KATNAL1: variants seen among roughly 807,000 people sequenced by gnomAD.
KATNAL1 encodes katanin catalytic subunit A1 like 1.
In KATNAL1, 32 loss-of-function variants were observed where a neutral mutation model predicts 55.2. The observed-to-expected ratio is 0.58, with a 90% CI of 0.44 to 0.78. The LOEUF (loss-of-function observed/expected upper bound fraction) is 0.78. KATNAL1 is among the 30% of genes least tolerant of loss of function. The pLI, the probability that KATNAL1 is intolerant of heterozygous loss-of-function variation, is 0.00. For synonymous variants in KATNAL1, 193 were observed against 193.6 expected, an observed-to-expected ratio of 1.00 and a Z score of 0.02; for missense variants, 466 against 600.9, an observed-to-expected ratio of 0.78 and a Z score of 2.35.
rs114383544 is a variant in KATNAL1, at chr13:30,271,232, T to C, written c.323+8831A>G. ...AATTTTCATACTGATCCCCAACTTA[T>C]AGAGGAGGAAAATGAGGGACAGGTT... On this transcript the variant is annotated intron_variant, in intron 3 of 10. Transcript: ENST00000380615. Among the ~76,000 whole-genome samples, 471 of 152,296 alleles carry C rather than the reference T, an allele frequency of 3.1e-3. 2 individuals carry two copies. Among genetic ancestry groups the C allele is most frequent in the African/African-American group, 0.011 (445 of 41,542 alleles).
intron 1 of KATNAL1, among the ~76,000 whole-genome samples, chr13:30,303,217 T>C (rs1231601270): frequency 6.6e-6 from 1 of 152,170 alleles, no homozygotes; most frequent in Non-Finnish European, 1.5e-5. Context: ...AAAAGAAACA[T>C]ATCTAAAGAC....
At chr13:30,233,695 A>T (rs1410240609) in intron 6 of KATNAL1, among the ~76,000 whole-genome samples, 1 of 152,208 alleles carries the variant, frequency 6.6e-6, no homozygotes, top group East Asian at 1.9e-4. Context: ...AATCAACCTA[A>T]GTGCCCAACA....
chr13:30,250,541 C>T (rs1878200287), intron 4 of KATNAL1, among the ~76,000 whole-genome samples: 1 of 152,156 alleles, frequency 6.6e-6, no homozygotes, highest in Middle Eastern at 3.4e-3. Flanking sequence ...TCTATGAAGT[C>T]ACTGTTCATT....
chr13:30,270,814 C>T lies in KATNAL1; in HGVS notation c.323+9249G>A, dbSNP rs546064617. 1.7e-3 allele frequency among the ~76,000 whole-genome samples: 262 copies of T among 151,080 alleles called. 1 individual carries two copies. The highest frequency in any genetic ancestry group is 5.9e-3 in the African/African-American group (243 of 41,288). ...TCCTCTGCCTAGGAAAACCAGAGAC[C>T]TTTGTTCACTTGTTTATCTGCTGAC... On this transcript the variant is annotated intron_variant, in intron 3 of 10. Transcript: ENST00000380615.
intron 6 of KATNAL1, among the ~76,000 whole-genome samples, chr13:30,239,510 GTTCTA>G (rs1339260591): frequency 2.6e-5 from 4 of 151,978 alleles, no homozygotes; most frequent in African/African-American, 9.7e-5. Context: ...AAACGTAATA[GTTCTA>G]TTCAAGAATT....
intron 4 of KATNAL1, among the ~76,000 whole-genome samples, chr13:30,251,818 A>T (rs1184088400): frequency 6.6e-6 from 1 of 152,214 alleles, no homozygotes; most frequent in African/African-American, 2.4e-5. Context: ...CTTAATAAAG[A>T]TGTGTCCAAT....
chr13:30,291,445 T>C (rs1455000738), intron 1 of KATNAL1, among the ~76,000 whole-genome samples: 1 of 152,224 alleles, frequency 6.6e-6, no homozygotes, highest in Non-Finnish European at 1.5e-5. Flanking sequence ...TGTGTGTATG[T>C]GTTTATGAAT....
At position 30,235,170 on chromosome 13, in the gene KATNAL1, A is replaced by G. The variant is rs189774008; in HGVS notation, c.727-3698T>C. 8.6e-4 allele frequency among the ~76,000 whole-genome samples: 131 copies of G among 152,340 alleles called. 1 individual carries two copies. In the Middle Eastern group the frequency reaches 0.017, roughly 20 times the overall value. On this transcript the variant is annotated intron_variant, in intron 6 of 10. Coordinates refer to ENST00000380615, the MANE Select transcript of KATNAL1 (RefSeq NM_032116.5). ...TCAGTCCATTTGTGTTGCTACAAAG[A>G]AATACCTGAGGCTGGGTAATTTTAA... is the stretch of plus-strand genomic sequence containing the variant.
chr13:30,245,660 G>A (rs1403171059), intron 4 of KATNAL1, among the ~76,000 whole-genome samples: 3 of 152,112 alleles, frequency 2.0e-5, no homozygotes, highest in Admixed American at 1.3e-4. Flanking sequence ...AAACCCTATC[G>A]TCTCAGCCCA....
chr13:30,209,012 AAGAC>A (rs1266342530), intron 10 of KATNAL1, among the ~76,000 whole-genome samples: 1 of 152,194 alleles, frequency 6.6e-6, no homozygotes, highest in African/African-American at 2.4e-5. Context: ...TTGCTCCTCA[AAGAC>A]AGCCAAGAAG....
At chr13:30,293,364 T>C (rs1368316765) in intron 1 of KATNAL1, among the ~76,000 whole-genome samples, 1 of 152,150 alleles carries the variant, frequency 6.6e-6, no homozygotes, top group African/African-American at 2.4e-5. Context: ...CTCAATGACC[T>C]TTTACACTGT....
At chr13:30,218,988 TC>T (rs1874586464) in intron 9 of KATNAL1, among the ~76,000 whole-genome samples, 1 of 152,248 alleles carries the variant, frequency 6.6e-6, no homozygotes, top group Admixed American at 6.5e-5. Context: ...ACCACCAATT[TC>T]TAATTCTTAA....
At position 30,205,260 on chromosome 13, in the gene KATNAL1, G is replaced by A. The variant is rs1266689512; in HGVS notation, c.*3280C>T. 1 of 152,204 alleles carries A rather than the reference G, an allele frequency of 6.6e-6. No individual in the cohort carries two copies. The highest frequency in any genetic ancestry group is 6.5e-5 in the Admixed American group (1 of 15,278). The allele number at this position is 152,204 out of a possible 1,614,324, so 9.4% of individuals were successfully genotyped here. ...CTTGTTTCAGTAGTAGAAGCCAGAAGCTATACAGAGTCGTTAGAGAAACTG... is the reference window on the plus strand; with the variant it reads ...CTTGTTTCAGTAGTAGAAGCCAGAAACTATACAGAGTCGTTAGAGAAACTG... On this transcript the variant is annotated 3_prime_UTR_variant, in exon 11 of 11. Transcript: ENST00000380615.
At chr13:30,228,443 A>G (rs994858990) in intron 8 of KATNAL1, among the ~76,000 whole-genome samples, 1 of 152,038 alleles carries the variant, frequency 6.6e-6, no homozygotes, top group South Asian at 2.1e-4. Flanking sequence ...TTCGGTCATT[A>G]TGACAAAGAA....
intron 9 of KATNAL1, among the ~76,000 whole-genome samples, chr13:30,216,660 C>T (rs1012286348): frequency 5.3e-5 from 8 of 152,176 alleles, no homozygotes; most frequent in Non-Finnish European, 1.0e-4. Context: ...CCAAAGAAGT[C>T]CTCCAGTCAG....
At chr13:30,274,490 C>T (rs1238662884) in intron 3 of KATNAL1, among the ~76,000 whole-genome samples, 1 of 152,052 alleles carries the variant, frequency 6.6e-6, no homozygotes, top group Non-Finnish European at 1.5e-5. Context: ...ATACCATTGC[C>T]CTTGGTTCTT....
At chr13:30,298,142 A>G (rs568126196) in intron 1 of KATNAL1, among the ~76,000 whole-genome samples, 1 of 152,380 alleles carries the variant, frequency 6.6e-6, no homozygotes, top group African/African-American at 2.4e-5. Context: ...GGGAAACCAG[A>G]AAATTTGTGT....
At chr13:30,274,900 C>CGCGTACGCGCGCGCGCGT (rs1337433595) in intron 3 of KATNAL1, among the ~76,000 whole-genome samples, 1 of 105,902 alleles carries the variant, frequency 9.4e-6, no homozygotes, top group African/African-American at 4.1e-5. Flanking sequence ...TACGCGCGCG[C>CGCGTACGCGCGCGCGCGT]GCGCGCGCAC....
chr13:30,262,471 G>C (rs1372371231), intron 3 of KATNAL1, among the ~76,000 whole-genome samples: 3 of 152,106 alleles, frequency 2.0e-5, no homozygotes, highest in Non-Finnish European at 4.4e-5. Context: ...TAGACCGCTA[G>C]CAAGACTGAT....
Sources: gnomAD v4.1 joint callset for allele counts (sites outside exome capture counted in the v4.1 genomes callset) on GRCh38, gnomAD v4.1.1 for gene constraint, MANE v1.5 for transcripts, NCBI Gene and HGNC (gene_info 2026-07-23, HGNC 2026-07-21) for gene names.